LRP12: variants seen among roughly 807,000 people sequenced by gnomAD.
LRP12 encodes LDL receptor related protein 12, also known as low-density lipoprotein receptor-related protein 12.
A neutral mutation model predicts 66.0 loss-of-function variants in LRP12; 14 were observed. That is an observed-to-expected ratio of 0.21 (90% CI 0.14 to 0.33). The LOEUF (loss-of-function observed/expected upper bound fraction) is 0.33. LRP12 is among the 10% of genes least tolerant of loss of function. The pLI, the probability that LRP12 is intolerant of heterozygous loss-of-function variation, is 1.00. For missense variants in LRP12, 889 were observed against 1,053.4 expected (o/e 0.84, Z 2.16); for synonymous variants, 357 against 359.1 (o/e 0.99, Z 0.07).
intron 3 of LRP12, among the ~76,000 whole-genome samples, chr8:104,503,868 C>T (rs1253261748): frequency 6.6e-6 from 1 of 152,142 alleles, no homozygotes; most frequent in African/African-American, 2.4e-5. Context: ...TCTACTATAA[C>T]CAGTAAAAGC....
At chr8:104,527,947 C>T (rs991248975) in intron 2 of LRP12, among the ~76,000 whole-genome samples, 3 of 152,160 alleles carry the variant, frequency 2.0e-5, no homozygotes, top group African/African-American at 7.2e-5. Flanking sequence ...TTCCACCCTC[C>T]TTGGCACAAG....
At chr8:104,565,043 A>T (rs1275932951) in intron 1 of LRP12, among the ~76,000 whole-genome samples, 1 of 152,140 alleles carries the variant, frequency 6.6e-6, no homozygotes, top group Non-Finnish European at 1.5e-5. Context: ...TTAAAACCTA[A>T]GAGACAAAAA....
intron 1 of LRP12, among the ~76,000 whole-genome samples, chr8:104,547,047 CTATAT>C (rs983448338): frequency 2.7e-4 from 38 of 141,764 alleles, no homozygotes; most frequent in South Asian, 1.7e-3. Context: ...ATATACAATT[CTATAT>C]TATATCATAC....
Position 104,489,300 on chromosome 8 carries a change from T to TA in LRP12, c.*1372dup, listed in dbSNP as rs1465039466. ...ATTTTTGATACATATTAAAACATCT[T>TA]AGTCAGTTCCTCCTGACAGCATTAA... On this transcript the variant is annotated 3_prime_UTR_variant, in exon 7 of 7. Coordinates refer to ENST00000276654, the MANE Select transcript of LRP12 (RefSeq NM_013437.5). 2 of 152,578 alleles carry TA rather than the reference T, an allele frequency of 1.3e-5. No homozygotes were observed. Among genetic ancestry groups the TA allele is most frequent in the Admixed American group, 6.5e-5 (1 of 15,274 alleles). 9.5% of individuals were successfully genotyped at this position (152,578 alleles called of 1,614,324 possible). A position where few individuals can be genotyped will look rare whatever the true frequency, so the allele number is the denominator to read the frequency against.
At chr8:104,547,519 ATAAT>A (rs1200787957) in intron 1 of LRP12, among the ~76,000 whole-genome samples, 1 of 123,356 alleles carries the variant, frequency 8.1e-6, no homozygotes, top group Non-Finnish European at 1.5e-5. Context: ...TATATAATAT[ATAAT>A]TGTTATATTT....
intron 1 of LRP12, among the ~76,000 whole-genome samples, chr8:104,567,287 G>A (rs188734400): frequency 9.2e-5 from 14 of 152,218 alleles, no homozygotes; most frequent in East Asian, 7.7e-4. Flanking sequence ...GAATCATGGC[G>A]GGAGGCAAAA....
intron 2 of LRP12, among the ~76,000 whole-genome samples, chr8:104,510,987 G>A (rs777872957): frequency 1.1e-4 from 16 of 147,256 alleles, no homozygotes; most frequent in Non-Finnish European, 2.1e-4. Context: ...TAACCCAAGA[G>A]ATGGCCAAAT....
chr8:104,553,634 C>A (rs967596675), intron 1 of LRP12, among the ~76,000 whole-genome samples: 9 of 152,194 alleles, frequency 5.9e-5, no homozygotes, highest in Non-Finnish European at 1.2e-4. Flanking sequence ...ACCCTGCCCC[C>A]ACCTGATGAT....
chr8:104,494,893 G>A (rs1036594973), intron 6 of LRP12, among the ~76,000 whole-genome samples, 184 bp downstream of exon 6: 1 of 152,144 alleles, frequency 6.6e-6, no homozygotes, highest in Non-Finnish European at 1.5e-5. Context: ...TCAGAGGAAT[G>A]AAAAATATAC....
At chr8:104,554,317 T>G (rs1811772158) in intron 1 of LRP12, among the ~76,000 whole-genome samples, 2 of 152,242 alleles carry the variant, frequency 1.3e-5, no homozygotes, top group South Asian at 4.1e-4. Flanking sequence ...GGTCGATTAT[T>G]AAGCTACTCA....
chr8:104,566,257 G>T, intron 1 of LRP12: 2 of 506,024 alleles, frequency 4.0e-6, no homozygotes, highest in Non-Finnish European at 3.2e-6. Context: ...GCTGGCTATA[G>T]TTAAAGTAGA....
At chr8:104,508,245 C>T (rs1029651615) in intron 3 of LRP12, 1 of 152,082 alleles carries the variant, frequency 6.6e-6, no homozygotes, top group Non-Finnish European at 1.5e-5. Context: ...TCTAGTTCTA[C>T]TAAATATATT....
intron 1 of LRP12, among the ~76,000 whole-genome samples, chr8:104,577,970 T>A (rs1233041991): frequency 6.6e-6 from 1 of 151,706 alleles, no homozygotes; most frequent in Non-Finnish European, 1.5e-5. Context: ...AATTAACAAC[T>A]TAACATCACA....
intron 6 of LRP12, among the ~76,000 whole-genome samples, chr8:104,492,826 TAAG>T (rs1334484561): frequency 2.6e-5 from 4 of 151,250 alleles, no homozygotes; most frequent in African/African-American, 9.8e-5. Flanking sequence ...TTTCACCAAT[TAAG>T]AAGTACCTAA....
chr8:104,501,190 C>G (rs1326160036), intron 3 of LRP12, among the ~76,000 whole-genome samples: 3 of 152,108 alleles, frequency 2.0e-5, no homozygotes, highest in Non-Finnish European at 1.5e-5. Flanking sequence ...TCATATCCAC[C>G]TACATCCACA....
At chr8:104,528,549 C>T (rs7813945) in intron 2 of LRP12, among the ~76,000 whole-genome samples, 5,584 of 152,134 alleles carry the variant, frequency 0.037, 260 homozygotes, top group African/African-American at 0.11. Flanking sequence ...CCAAGGTGGG[C>T]GGATCACTTG....
chr8:104,562,852 T>C (rs1811935327), intron 1 of LRP12, among the ~76,000 whole-genome samples: 1 of 152,200 alleles, frequency 6.6e-6, no homozygotes, highest in South Asian at 2.1e-4. Flanking sequence ...TCTTGCCATT[T>C]AGAAATCTCA....
intron 1 of LRP12, among the ~76,000 whole-genome samples, chr8:104,548,508 T>C (rs1342475804): frequency 8.5e-6 from 1 of 117,828 alleles, no homozygotes; most frequent in African/African-American, 4.0e-5. Context: ...TATAATTCTA[T>C]ATTATATTTT....
intron 2 of LRP12, among the ~76,000 whole-genome samples, chr8:104,511,691 C>T (rs930480146): frequency 6.6e-6 from 1 of 152,122 alleles, no homozygotes; most frequent in Non-Finnish European, 1.5e-5. Flanking sequence ...AACCTACTCC[C>T]TGAAGAAAAC....
Sources: gnomAD v4.1 joint callset for allele counts (sites outside exome capture counted in the v4.1 genomes callset) on GRCh38, gnomAD v4.1.1 for gene constraint, MANE v1.5 for transcripts, NCBI Gene and HGNC (gene_info 2026-07-23, HGNC 2026-07-21) for gene names.